The following ABCA13 variants were observed in gnomAD, a reference collection of about 807,000 sequenced individuals.
The protein encoded by ABCA13 is ATP binding cassette subfamily A member 13.
Under a neutral mutation model 478.7 loss-of-function variants are expected in ABCA13, and 476 were observed. That is an observed-to-expected ratio of 0.99 (90% CI 0.92 to 1.07). The LOEUF (loss-of-function observed/expected upper bound fraction) is 1.07. ABCA13 is among the 50% of genes least tolerant of loss of function. The pLI is 0.00. For missense variants in ABCA13, 6,060 were observed against 5,910.6 expected (o/e 1.03, Z -0.83); for synonymous variants, 2,252 against 2,158.9 (o/e 1.04, Z -1.20).
At chr7:48,461,740 AAG>A (rs1435117889) in intron 43 of ABCA13, among the ~76,000 whole-genome samples, 1 of 152,118 alleles carries the variant, frequency 6.6e-6, no homozygotes, top group Non-Finnish European at 1.5e-5. Flanking sequence ...TTTAAGAAAA[AAG>A]AGAGAGAATC....
chr7:48,314,778 G>C (rs1274362569), intron 26 of ABCA13, among the ~76,000 whole-genome samples: 1 of 152,188 alleles, frequency 6.6e-6, no homozygotes, highest in Non-Finnish European at 1.5e-5. Context: ...AAGAGAACTT[G>C]TCTGTGGCCA....
At chr7:48,301,034 C>T (rs1584728124) in intron 23 of ABCA13, among the ~76,000 whole-genome samples, 2 of 152,196 alleles carry the variant, frequency 1.3e-5, no homozygotes, top group South Asian at 2.1e-4. Context: ...AATCAAAAGT[C>T]GGCCCTCTGT....
chr7:48,583,923 G>T (rs553355739), intron 56 of ABCA13, among the ~76,000 whole-genome samples: 1 of 152,134 alleles, frequency 6.6e-6, no homozygotes, highest in Non-Finnish European at 1.5e-5. Flanking sequence ...GTATACTCTG[G>T]AATCTTTCCT....
At chr7:48,458,862 A>G (rs1228357200) in intron 43 of ABCA13, among the ~76,000 whole-genome samples, 1 of 152,142 alleles carries the variant, frequency 6.6e-6, no homozygotes, top group East Asian at 1.9e-4. Flanking sequence ...GAGTGAACGC[A>G]TGACATCCAC....
chr7:48,600,918 G>T (rs1052718118), intron 58 of ABCA13, among the ~76,000 whole-genome samples: 1 of 151,988 alleles, frequency 6.6e-6, no homozygotes. Context: ...TACTTTTTCT[G>T]GTCCTATCTA....
intron 2 of ABCA13, among the ~76,000 whole-genome samples, chr7:48,193,324 C>T (rs959489106): frequency 2.0e-5 from 3 of 151,978 alleles, no homozygotes; most frequent in Non-Finnish European, 4.4e-5. Context: ...AAGTAAATAG[C>T]CATTATAAAT....
intron 55 of ABCA13, among the ~76,000 whole-genome samples, chr7:48,539,695 C>T (rs186652778): frequency 2.0e-5 from 3 of 152,180 alleles, no homozygotes; most frequent in East Asian, 1.9e-4. Context: ...TTTATTCTCT[C>T]GACATTCTCC....
At chr7:48,189,758 C>G (rs1165194236) in intron 1 of ABCA13, among the ~76,000 whole-genome samples, 1 of 151,792 alleles carries the variant, frequency 6.6e-6, no homozygotes, top group African/African-American at 2.4e-5. Flanking sequence ...GGAACAATAT[C>G]CAGATACTAT....
intron 31 of ABCA13, among the ~76,000 whole-genome samples, chr7:48,363,697 T>C (rs1157559620): frequency 1.3e-5 from 2 of 152,162 alleles, no homozygotes; most frequent in Non-Finnish European, 1.5e-5. Context: ...GCAGTATCAA[T>C]TTGGCCTGTG....
chr7:48,311,544 C>T (rs1371137064), intron 24 of ABCA13, among the ~76,000 whole-genome samples: 1 of 152,060 alleles, frequency 6.6e-6, no homozygotes, highest in South Asian at 2.1e-4. Context: ...CAAAGGTCCC[C>T]GATTTGAAGT....
rs759512039 is a variant in ABCA13 at position 48,387,801 on chromosome 7, TTTAA to T, written c.11336-18_11336-15del. 2 of 1,516,550 alleles carry T rather than the reference TTTAA, an allele frequency of 1.3e-6. No homozygotes were observed. The highest frequency in any genetic ancestry group is 1.4e-5 in the African/African-American group (1 of 70,880). 93.9% of individuals were successfully genotyped at this position (1,516,550 alleles called of 1,614,324 possible). ...CATCTAAATAAAAAATTAAACTAAT[TTTAA>T]TTGTTTCATTTTTTAGGAACATTTG... On this transcript the variant is annotated splice_polypyrimidine_tract_variant and intron_variant, in intron 35 of 61. Coordinates refer to ENST00000435803, the MANE Select transcript of ABCA13 (RefSeq NM_152701.5).
chr7:48,415,017 T>A (rs1819784608), intron 41 of ABCA13, among the ~76,000 whole-genome samples: 1 of 152,274 alleles, frequency 6.6e-6, no homozygotes, highest in South Asian at 2.1e-4. Context: ...CCTGGGCCAA[T>A]GTAGAACAAG....
intron 58 of ABCA13, among the ~76,000 whole-genome samples, chr7:48,612,425 G>C (rs181558681): frequency 2.6e-5 from 4 of 152,268 alleles, no homozygotes; most frequent in Admixed American, 2.6e-4. Context: ...AATAAGTAAA[G>C]AAAATCCATC....
chr7:48,623,189 A>C (rs527793344), intron 59 of ABCA13, among the ~76,000 whole-genome samples: 1 of 152,320 alleles, frequency 6.6e-6, no homozygotes, highest in East Asian at 1.9e-4. Context: ...TCTTTTGGCA[A>C]AATTTTAATA....
At position 48,419,823 on chromosome 7, in the gene ABCA13, G is replaced by C. The variant is rs573030861; in HGVS notation, c.12459+7240G>C. 1.1e-4 allele frequency among the ~76,000 whole-genome samples: 16 copies of C among 152,184 alleles called. 1 individual carries two copies. In the South Asian group the frequency reaches 3.3e-3, roughly 32 times the overall value. On this transcript the variant is annotated intron_variant, in intron 41 of 61. Coordinates refer to ENST00000435803, the MANE Select transcript of ABCA13 (RefSeq NM_152701.5). ...TCTCACACACACGGACGCTAAGAAAGAAATTATCTCTCTAAGGGCAACCAT... is the reference window on the plus strand; with the variant it reads ...TCTCACACACACGGACGCTAAGAAACAAATTATCTCTCTAAGGGCAACCAT...
At chr7:48,618,905 G>T (rs907806829) in intron 59 of ABCA13, among the ~76,000 whole-genome samples, 1 of 152,172 alleles carries the variant, frequency 6.6e-6, no homozygotes, top group Non-Finnish European at 1.5e-5. Flanking sequence ...TCTGGGAGGG[G>T]CAGTTCTTCC....
At chr7:48,620,073 A>G (rs1288113129) in intron 59 of ABCA13, among the ~76,000 whole-genome samples, 2 of 152,282 alleles carry the variant, frequency 1.3e-5, no homozygotes, top group African/African-American at 4.8e-5. Flanking sequence ...CCAGAAGTCA[A>G]TGTGGTAGAT....
chr7:48,466,669 T>C (rs1039717650), intron 43 of ABCA13, among the ~76,000 whole-genome samples: 6 of 152,144 alleles, frequency 3.9e-5, no homozygotes, highest in African/African-American at 1.4e-4. Context: ...AAAATGGTGG[T>C]GTTATATTAA....
chr7:48,360,311 A>G (rs1242984489), intron 31 of ABCA13, among the ~76,000 whole-genome samples: 2 of 150,762 alleles, frequency 1.3e-5, no homozygotes, highest in African/African-American at 4.9e-5. Flanking sequence ...TCCGTGTGAT[A>G]GTTTGCTCAG....
Sources: allele counts gnomAD v4.1 joint callset (sites outside exome capture counted in the v4.1 genomes callset), GRCh38; gene constraint gnomAD v4.1.1; transcripts MANE v1.5; gene names NCBI Gene and HGNC (gene_info 2026-07-23, HGNC 2026-07-21).